SHOC1: variants seen among roughly 807,000 people sequenced by gnomAD.
SHOC1 encodes shortage in chiasmata 1.
SHOC1 carries 136 observed loss-of-function variants against 179.2 expected under a neutral mutation model. That is an observed-to-expected ratio of 0.76 (90% CI 0.66 to 0.87). SHOC1 has a LOEUF of 0.87. Ranked by LOEUF, SHOC1 falls within the 40% of genes least tolerant of loss-of-function variation. The pLI is 0.00. For missense variants in SHOC1, 1,538 were observed against 1,700.8 expected (o/e 0.90, Z 1.68); for synonymous variants, 489 against 586.6 (o/e 0.83, Z 2.41).
chr9:111,709,455 T>C (rs1375207820), intron 18 of SHOC1, among the ~76,000 whole-genome samples: 1 of 152,096 alleles, frequency 6.6e-6, no homozygotes, highest in Non-Finnish European at 1.5e-5. Flanking sequence ...TACAAACGCA[T>C]AGAAAACAGA....
Position 111,696,734 on chromosome 9 carries a change from GA to G in SHOC1, c.3184-2373del, listed in dbSNP as rs537881027. ...GGTATCATATGCCCCATGCATAGAGGAAAAAAACTTTCTAAAGCATATTTTG... is the reference window on the plus strand; with the variant it reads ...GGTATCATATGCCCCATGCATAGAGGAAAAAACTTTCTAAAGCATATTTTG... On this transcript the variant is annotated intron_variant, in intron 24 of 27. Transcript: ENST00000682961. 1.5e-3 allele frequency among the ~76,000 whole-genome samples: 232 copies of G among 152,170 alleles called. 1 individual carries two copies. The highest frequency in any genetic ancestry group is 5.0e-3 in the African/African-American group (209 of 41,534).
intron 18 of SHOC1, among the ~76,000 whole-genome samples, chr9:111,709,109 G>A (rs1342886832): frequency 6.6e-6 from 1 of 152,256 alleles, no homozygotes; most frequent in Non-Finnish European, 1.5e-5. Context: ...GGGAGGCAGA[G>A]ATGGGTGGAT....
intron 27 of SHOC1, among the ~76,000 whole-genome samples, chr9:111,689,826 T>C (rs907293861): frequency 2.0e-5 from 3 of 152,198 alleles, no homozygotes. Context: ...TCTACTCATA[T>C]ACCTAAAAGC....
intron 5 of SHOC1, among the ~76,000 whole-genome samples, chr9:111,769,512 G>A (rs1374785257): frequency 6.6e-6 from 1 of 152,060 alleles, no homozygotes; most frequent in East Asian, 1.9e-4. Flanking sequence ...GTCTCACTCT[G>A]TCACCCAGGC....
chr9:111,690,074 A>G (rs979992596), intron 27 of SHOC1, among the ~76,000 whole-genome samples: 1 of 137,296 alleles, frequency 7.3e-6, no homozygotes, highest in African/African-American at 2.9e-5. Context: ...ATCTAATATC[A>G]TGAATGTAGA....
chr9:111,694,545 C>A (rs1164921742), intron 24 of SHOC1, among the ~76,000 whole-genome samples, 183 bp from the exon 25 acceptor site: 4 of 152,046 alleles, frequency 2.6e-5, no homozygotes, highest in Admixed American at 6.6e-5. Flanking sequence ...AATTTTCATT[C>A]CTTATTTAAA....
At chr9:111,789,176 C>G (rs1426726137) in intron 2 of SHOC1, among the ~76,000 whole-genome samples, 2 of 151,834 alleles carry the variant, frequency 1.3e-5, no homozygotes. Flanking sequence ...GGTGTTATAA[C>G]ATATTAAATA....
In SHOC1 at chr9:111,700,036, GT is replaced by G; in HGVS notation, c.3100del (p.Thr1034GlnfsTer8). 1 of 1,564,356 alleles carries G rather than the reference GT, an allele frequency of 6.4e-7. No homozygotes were observed. The highest frequency in any genetic ancestry group is 8.8e-7 in the Non-Finnish European group (1 of 1,139,850). On this transcript the variant is annotated frameshift_variant, in exon 24 of 28. Transcript: ENST00000682961. LOFTEE classifies it high-confidence loss of function. ...KETLNSEYLL[T>X]EKTLHHLALI... ...TGCTAGGTGATGAAGTGTCTTTTCT[GT>G]AAGCAGATACCTACAAAGAATTATA...
At position 111,691,822 on chromosome 9, in the gene SHOC1, T is replaced by C; in HGVS notation, c.4155A>G (p.Lys1385=). The part of the protein sequence containing the change: ...QYGAQQTACN[K]LYSQKGNLFT... ...ATAAATTACCTTTCTGAGAGTACAATTTGTTACATGCAGTCTGCTGTGCAC... is the reference window on the plus strand; with the variant it reads ...ATAAATTACCTTTCTGAGAGTACAACTTGTTACATGCAGTCTGCTGTGCAC... The change falls in exon 27 of 28, where the codon AAA becomes AAG. Residue 1385 remains lysine (K), a synonymous_variant. Coordinates refer to ENST00000682961, the MANE Select transcript of SHOC1 (RefSeq NM_001378211.1). The C allele has an allele frequency of 6.2e-7, 1 of 1,613,826 alleles. No individual in the cohort carries two copies. Among genetic ancestry groups the C allele is most frequent in the Non-Finnish European group, 8.5e-7 (1 of 1,179,960 alleles).
intron 27 of SHOC1, among the ~76,000 whole-genome samples, chr9:111,687,579 G>A (rs541021296): frequency 2.0e-5 from 3 of 152,154 alleles, no homozygotes; most frequent in South Asian, 2.1e-4. Flanking sequence ...ACCTCAGGCC[G>A]GGCTTCCTAA....
chr9:111,728,070 C>T (rs747176393), intron 12 of SHOC1, 21 bp from the exon 13 acceptor site: 25 of 1,512,608 alleles, frequency 1.7e-5, no homozygotes, highest in African/African-American at 2.8e-5. Flanking sequence ...AAAATAACAA[C>T]ACACAAGTAA....
chr9:111,725,332 G>T (rs1258641888), intron 13 of SHOC1, among the ~76,000 whole-genome samples: 1 of 152,100 alleles, frequency 6.6e-6, no homozygotes, highest in Non-Finnish European at 1.5e-5. Context: ...TTAAGGCAGG[G>T]TCTCCCTCTG....
At chr9:111,704,746 GT>G (rs57036108) in intron 21 of SHOC1, among the ~76,000 whole-genome samples, 83,555 of 152,018 alleles carry the variant, frequency 0.55, 23,616 homozygotes, top group East Asian at 0.87. Flanking sequence ...AACATCTAAT[GT>G]TGGTATGACC....
At chr9:111,691,477 G>A in intron 27 of SHOC1, 74 bp downstream of exon 27, 1 of 1,401,542 alleles carries the variant, frequency 7.1e-7, no homozygotes, top group Non-Finnish European at 9.6e-7. Context: ...CAAAAAAAAT[G>A]TTAAATTTGG....
At chr9:111,723,303 C>T (rs373171687) in intron 14 of SHOC1, among the ~76,000 whole-genome samples, 7 of 152,192 alleles carry the variant, frequency 4.6e-5, no homozygotes, top group African/African-American at 1.4e-4. Context: ...ACTTGAGAAC[C>T]TGGGTCATAT....
At chr9:111,691,180 C>T (rs1831406832) in intron 27 of SHOC1, among the ~76,000 whole-genome samples, 1 of 152,120 alleles carries the variant, frequency 6.6e-6, no homozygotes, top group African/African-American at 2.4e-5. Flanking sequence ...GAGACTGGCA[C>T]CTAATTAGGC....
Position 111,711,815 on chromosome 9 carries a change from G to C in SHOC1, c.2488+1285C>G, listed in dbSNP as rs929171142. 1.5e-4 allele frequency among the ~76,000 whole-genome samples: 23 copies of C among 152,170 alleles called. 1 individual carries two copies. Among genetic ancestry groups the C allele is most frequent in the Admixed American group, 1.4e-3 (22 of 15,276 alleles). ...TTAGAGGGCATGAGTTTGTGAGTTT[G>C]TAGTAGTACCAATCTATATGACTAT... On this transcript the variant is annotated intron_variant, in intron 18 of 27. Transcript: ENST00000682961.
intron 27 of SHOC1, among the ~76,000 whole-genome samples, chr9:111,689,119 T>C: frequency 6.6e-6 from 1 of 151,916 alleles, no homozygotes; most frequent in Non-Finnish European, 1.5e-5. Context: ...GGTGCAGTAG[T>C]TCACACCTGT....
At chr9:111,690,916 G>A (rs975006374) in intron 27 of SHOC1, among the ~76,000 whole-genome samples, 2 of 152,116 alleles carry the variant, frequency 1.3e-5, no homozygotes, top group African/African-American at 4.8e-5. Flanking sequence ...TCCTATCCTG[G>A]GGAAGGCCAC....
Sources: gnomAD v4.1 joint callset for allele counts (sites outside exome capture counted in the v4.1 genomes callset) on GRCh38, gnomAD v4.1.1 for gene constraint, MANE v1.5 for transcripts, NCBI Gene and HGNC (gene_info 2026-07-23, HGNC 2026-07-21) for gene names.